The following KIAA1217 variants were observed in gnomAD, a reference collection of about 807,000 sequenced individuals.
KIAA1217 encodes sickle tail protein homolog.
In KIAA1217, 88 loss-of-function variants were observed where a neutral mutation model predicts 163.9. That is an observed-to-expected ratio of 0.54 (90% CI 0.45 to 0.64). KIAA1217 has a LOEUF of 0.64. Among genes scored for constraint, KIAA1217 ranks in the 30% least tolerant of loss-of-function variants. The probability of loss-of-function intolerance (pLI) is 0.00; values close to 1 mark genes in which losing one functional copy is unlikely to be tolerated. For missense variants in KIAA1217, 2,372 were observed against 2,475.0 expected (o/e 0.96, Z 0.88); for synonymous variants, 903 against 923.1 (o/e 0.98, Z 0.39).
At chr10:23,829,944 A>G (rs1838097315) in intron 1 of KIAA1217, among the ~76,000 whole-genome samples, 1 of 152,212 alleles carries the variant, frequency 6.6e-6, no homozygotes, top group South Asian at 2.1e-4. Context: ...AGCGGAAGTA[A>G]TTAGATCAAA....
At chr10:23,824,553 G>T (rs1289839076) in intron 1 of KIAA1217, among the ~76,000 whole-genome samples, 2 of 139,794 alleles carry the variant, frequency 1.4e-5, no homozygotes, top group Non-Finnish European at 3.0e-5. Context: ...GCTTGAACCC[G>T]GGAGGCAGAG....
intron 3 of KIAA1217, 69 bp downstream of exon 3, chr10:24,381,136 C>A (rs1564577251): frequency 2.6e-6 from 3 of 1,139,290 alleles, no homozygotes; most frequent in Non-Finnish European, 3.6e-6. Flanking sequence ...ACTACTGAAC[C>A]TATACTCTTT....
At position 23,713,887 on chromosome 10, in the gene KIAA1217, C is replaced by T. The variant is rs140803071; in HGVS notation, c.-321+18653C>T. On this transcript the variant is annotated intron_variant, in intron 1 of 18. Transcript: ENST00000376462. ...TAACCTTGACTTCAAACCTAATTCA[C>T]ATCTGCTTAGCTCAGAACTTTCTTC... Among the ~76,000 whole-genome samples, 287 of 152,278 alleles carry T rather than the reference C, an allele frequency of 1.9e-3. 2 individuals are homozygous for T. Among genetic ancestry groups the T allele is most frequent in the African/African-American group, 6.7e-3 (277 of 41,562 alleles).
chr10:23,818,351 A>AAATATAT (rs374977941), intron 1 of KIAA1217, among the ~76,000 whole-genome samples: 24 of 134,894 alleles, frequency 1.8e-4, no homozygotes, highest in Middle Eastern at 3.8e-3. Flanking sequence ...TATATAAAAA[A>AAATATAT]ATATATATAT....
chr10:24,036,156 C>T (rs1048377128), intron 2 of KIAA1217, among the ~76,000 whole-genome samples: 3 of 152,214 alleles, frequency 2.0e-5, no homozygotes, highest in Non-Finnish European at 2.9e-5. Context: ...GCCAGGGCAG[C>T]TCAGGCAGTT....
intron 2 of KIAA1217, among the ~76,000 whole-genome samples, chr10:24,186,370 T>C (rs530205227): frequency 1.3e-5 from 2 of 152,236 alleles, no homozygotes; most frequent in African/African-American, 2.4e-5. Flanking sequence ...ACTTTGTGTC[T>C]ATTATCCACT....
At chr10:23,864,067 A>ATT (rs1840070935) in intron 1 of KIAA1217, among the ~76,000 whole-genome samples, 3 of 136,096 alleles carry the variant, frequency 2.2e-5, no homozygotes, top group Non-Finnish European at 4.6e-5. Context: ...AAACCTTGTA[A>ATT]AGTAGTTATT....
At position 24,524,706 on chromosome 10, in the gene KIAA1217, G is replaced by A. The variant is rs765603670; in HGVS notation, c.2840G>A (p.Ser947Asn). Residue 947 changes from serine (S) to asparagine (N), a missense_variant, in exon 13 of 21, where the codon AGC becomes AAC. This residue lies in a region of KIAA1217 where 1,431 missense variants were observed against 1,470.3 expected (regional missense o/e 0.97). Coordinates refer to ENST00000376454, the MANE Select transcript of KIAA1217 (RefSeq NM_019590.5). ...QIPMNGSAMQSLFIEEIHSVS... is the reference protein window; with the variant it reads ...QIPMNGSAMQNLFIEEIHSVS... ...CCCATGAATGGGTCTGCCATGCAGAGCTTGTTCATTGAAGAAATCCACAGT... is the reference window on the plus strand; with the variant it reads ...CCCATGAATGGGTCTGCCATGCAGAACTTGTTCATTGAAGAAATCCACAGT... The A allele has an allele frequency of 6.2e-7, 1 of 1,612,050 alleles. No individual in the cohort carries two copies. Among genetic ancestry groups the A allele is most frequent in the Non-Finnish European group, 8.5e-7 (1 of 1,178,392 alleles).
chr10:23,978,701 C>T (rs1027048777), intron 1 of KIAA1217, among the ~76,000 whole-genome samples: 1 of 152,102 alleles, frequency 6.6e-6, no homozygotes, highest in Non-Finnish European at 1.5e-5. Context: ...ACATGAGCTA[C>T]ACTGCAAATA....
At chr10:24,299,082 A>T (rs2040977834) in intron 2 of KIAA1217, among the ~76,000 whole-genome samples, 1 of 152,168 alleles carries the variant, frequency 6.6e-6, no homozygotes, top group Non-Finnish European at 1.5e-5. Flanking sequence ...AAATGTTACA[A>T]ATTGTAAATA....
intron 1 of KIAA1217, among the ~76,000 whole-genome samples, chr10:23,710,410 G>A (rs1045537265): frequency 3.9e-5 from 6 of 152,216 alleles, no homozygotes; most frequent in African/African-American, 1.4e-4. Flanking sequence ...ATCTGATATT[G>A]ATTTAAATCT....
intron 2 of KIAA1217, among the ~76,000 whole-genome samples, chr10:24,347,005 G>A (rs749856871): frequency 6.6e-6 from 1 of 152,142 alleles, no homozygotes. Flanking sequence ...ACCGAGTGTT[G>A]GCTTAGTGAG....
chr10:24,473,753 T>C lies in KIAA1217; in HGVS notation c.1372T>C (p.Tyr458His). 4.3e-6 allele frequency: 7 copies of C among 1,613,840 alleles called. No individual in the cohort carries two copies. Among genetic ancestry groups the C allele is most frequent in the Non-Finnish European group, 5.9e-6 (7 of 1,179,990 alleles). ...QSLYRQKSRK[Y>H]PDSHLPTLGS... ...ACTGTACAGACAGAAATCAAGGAAA[T>C]ATCCGGATAGCCATTTGCCTACACT... is the stretch of plus-strand genomic sequence containing the variant. The change falls in exon 6 of 21, where the codon TAT (tyrosine) becomes CAT (histidine). Residue 458 changes from tyrosine to histidine, a missense_variant. Transcript: ENST00000376454.
chr10:24,037,533 C>G (rs1848447092), intron 2 of KIAA1217, among the ~76,000 whole-genome samples: 1 of 152,026 alleles, frequency 6.6e-6, no homozygotes, highest in African/African-American at 2.4e-5. Context: ...CCCACGAATT[C>G]AAAGTAAACC....
At chr10:23,703,153 TG>T (rs1486841703) in intron 1 of KIAA1217, among the ~76,000 whole-genome samples, 2 of 152,138 alleles carry the variant, frequency 1.3e-5, no homozygotes, top group Non-Finnish European at 2.9e-5. Context: ...GCATGTGGGC[TG>T]GGCGCTTCTC....
chr10:24,106,954 G>A (rs2062655367), intron 2 of KIAA1217, among the ~76,000 whole-genome samples: 1 of 152,054 alleles, frequency 6.6e-6, no homozygotes, highest in Non-Finnish European at 1.5e-5. Flanking sequence ...ATGTCATGGG[G>A]GTTTGGTGTA....
intron 2 of KIAA1217, among the ~76,000 whole-genome samples, chr10:24,086,315 T>C (rs1170187777): frequency 2.0e-5 from 3 of 152,234 alleles, no homozygotes; most frequent in African/African-American, 7.2e-5. Context: ...TATTTCAAAC[T>C]GGAGTAGCCA....
intron 2 of KIAA1217, among the ~76,000 whole-genome samples, chr10:24,094,012 G>A (rs2062045808): frequency 6.6e-6 from 1 of 151,718 alleles, no homozygotes; most frequent in Admixed American, 6.6e-5. Flanking sequence ...AGTATTCCAT[G>A]GTGTATATGT....
intron 2 of KIAA1217, among the ~76,000 whole-genome samples, chr10:24,293,806 A>G (rs1252769873): frequency 6.6e-6 from 1 of 152,208 alleles, no homozygotes; most frequent in Non-Finnish European, 1.5e-5. Context: ...GTGCCTATTA[A>G]TGAAGCTCAC....
Sources: gnomAD v4.1 joint callset for allele counts (sites outside exome capture counted in the v4.1 genomes callset) on GRCh38, gnomAD v4.1.1 for gene constraint, gnomAD v4.1.1 regional missense constraint, MANE v1.5 for transcripts, NCBI Gene and HGNC (gene_info 2026-07-23, HGNC 2026-07-21) for gene names.